HTRA4: variants seen among roughly 807,000 people sequenced by gnomAD.
The protein encoded by HTRA4 is HtrA serine peptidase 4.
HTRA4 carries 46 observed loss-of-function variants against 49.1 expected under a neutral mutation model. The observed-to-expected ratio is 0.94, with a 90% confidence interval of 0.74 to 1.20. HTRA4 has a LOEUF of 1.20. HTRA4 is among the 50% of genes most tolerant of loss of function. HTRA4 has a pLI of 0.00. For missense variants in HTRA4, 602 were observed against 636.9 expected, an observed-to-expected ratio of 0.95 and a Z score of 0.59; for synonymous variants, 261 against 264.0, an observed-to-expected ratio of 0.99 and a Z score of 0.11.
At chr8:38,987,338 A>G (rs1345515169) in intron 8 of HTRA4, among the ~76,000 whole-genome samples, 3 of 152,204 alleles carry the variant, frequency 2.0e-5, no homozygotes, top group Non-Finnish European at 2.9e-5. Flanking sequence ...TAAAGTCACA[A>G]CTTTGGAGAA....
At chr8:38,979,050 A>G (rs1835388008) in intron 4 of HTRA4, among the ~76,000 whole-genome samples, 165 bp from the exon 5 acceptor site, 1 of 151,062 alleles carries the variant, frequency 6.6e-6, no homozygotes, top group Admixed American at 6.6e-5. Flanking sequence ...CTTTACCTAC[A>G]CTGACTTTGG....
At chr8:38,978,640 G>A (rs1835382418) in intron 4 of HTRA4, among the ~76,000 whole-genome samples, 1 of 152,170 alleles carries the variant, frequency 6.6e-6, no homozygotes, top group South Asian at 2.1e-4. Flanking sequence ...CTCGTTCGCT[G>A]TGATCGCTGG....
chr8:38,975,721 G>C (rs1393270808), intron 2 of HTRA4, among the ~76,000 whole-genome samples: 2 of 152,144 alleles, frequency 1.3e-5, no homozygotes, highest in African/African-American at 4.8e-5. Context: ...TAGGCATTTT[G>C]GTTGTGATCT....
chr8:38,978,339 C>T (rs777939462), intron 4 of HTRA4, among the ~76,000 whole-genome samples, 192 bp downstream of exon 4: 2 of 152,148 alleles, frequency 1.3e-5, no homozygotes, highest in South Asian at 2.1e-4. Context: ...TTGTGAACTG[C>T]GCATGCAAGG....
chr8:38,974,430 C>A lies in HTRA4; in HGVS notation c.167C>A (p.Ala56Glu). Reference protein sequence around the residue: ...PTRCPALPTCALGTTPVFDLC... With the variant: ...PTRCPALPTCELGTTPVFDLC... The stretch of plus-strand genomic sequence containing the variant: ...CGCTGCCCCGCGCTGCCCACCTGCG[C>A]GCTGGGGACCACGCCGGTGTTCGAC... The change falls in exon 1 of 9, where the codon GCG becomes GAG. Residue 56 changes from alanine (A) to glutamate (E), a missense_variant. Transcript: ENST00000302495. The A allele has an allele frequency of 1.3e-6, 2 of 1,548,322 alleles. No individual in the cohort carries two copies. Among genetic ancestry groups the A allele is most frequent in the Non-Finnish European group, 8.7e-7 (1 of 1,150,268 alleles).
intron 5 of HTRA4, among the ~76,000 whole-genome samples, chr8:38,979,966 G>A (rs1445927914): frequency 6.6e-6 from 1 of 152,130 alleles, no homozygotes; most frequent in Non-Finnish European, 1.5e-5. Context: ...CAGGTTTTTA[G>A]TCTTGACCTC....
At chr8:38,982,680 C>T in intron 7 of HTRA4, 125 bp downstream of exon 7, 1 of 841,718 alleles carries the variant, frequency 1.2e-6, no homozygotes. Flanking sequence ...TAGGCCCTAT[C>T]TGTCTCAGGG....
At position 38,977,928 on chromosome 8, in the gene HTRA4, C is replaced by T. The variant is rs1170132717; in HGVS notation, c.772-25C>T. 5 of 1,608,968 alleles carry T rather than the reference C, an allele frequency of 3.1e-6. No individual in the cohort carries two copies. The Admixed American group carries it at 8.5e-5, about 27-fold the overall frequency. The stretch of plus-strand genomic sequence containing the variant: ...TTTGTTCTTTACCCTTTCTGTCCTC[C>T]CCATCCCTTTTTGGGCACGTGCAGG... On this transcript the variant is annotated intron_variant, in intron 3 of 8. Transcript: ENST00000302495.
chr8:38,981,067 T>TTTTTTGTTTTTTTTTGTTTTTTTTTG (rs1216373399), intron 5 of HTRA4, among the ~76,000 whole-genome samples: 1 of 41,670 alleles, frequency 2.4e-5, no homozygotes, highest in African/African-American at 1.7e-4. Flanking sequence ...GCTTAAGTTT[T>TTTTTTGTTTTTTTTTGTTTTTTTTTG]TTTTTTTTTT....
chr8:38,987,194 T>C (rs976416011), intron 8 of HTRA4, among the ~76,000 whole-genome samples: 2 of 152,198 alleles, frequency 1.3e-5, no homozygotes, highest in Non-Finnish European at 2.9e-5. Flanking sequence ...CCTGGAGTCA[T>C]TTGCTGTTCC....
chr8:38,979,353 T>G, intron 5 of HTRA4, 106 bp downstream of exon 5: 2 of 1,001,026 alleles, frequency 2.0e-6, no homozygotes, highest in Admixed American at 1.7e-5. Context: ...CCAGCACATT[T>G]GGGATGACTG....
intron 3 of HTRA4, among the ~76,000 whole-genome samples, chr8:38,977,458 G>T (rs1835367230): frequency 6.6e-6 from 1 of 152,122 alleles, no homozygotes; most frequent in Admixed American, 6.5e-5. Context: ...CTTTTTAGAA[G>T]TTCAGAGTCT....
chr8:38,974,397 A>C lies in HTRA4; in HGVS notation c.134A>C (p.Gln45Pro). 1 of 1,565,476 alleles carries C rather than the reference A, an allele frequency of 6.4e-7. No homozygotes were observed. The highest frequency in any genetic ancestry group is 8.6e-7 in the Non-Finnish European group (1 of 1,157,532). The change falls in exon 1 of 9, where the codon CAG (glutamine) becomes CCG (proline). Residue 45 changes from glutamine to proline, a missense_variant. By Grantham distance (76) the Gln-to-Pro change is moderately conservative. Transcript: ENST00000302495. ...HTQPSCPAVC[Q>P]PTRCPALPTC... Reference sequence around the variant, plus strand: ...CAGCCCTCCTGCCCCGCGGTCTGCCAGCCCACGCGCTGCCCCGCGCTGCCC... The same window carrying C: ...CAGCCCTCCTGCCCCGCGGTCTGCCCGCCCACGCGCTGCCCCGCGCTGCCC...
chr8:38,981,320 C>T (rs1197115299), intron 5 of HTRA4, among the ~76,000 whole-genome samples: 4 of 151,766 alleles, frequency 2.6e-5, no homozygotes, highest in Admixed American at 2.6e-4. Context: ...ACCTCGTGAT[C>T]CGCCCGCCTC....
At chr8:38,987,906 A>G in intron 8 of HTRA4, 30 bp from the exon 9 acceptor site, 1 of 1,526,026 alleles carries the variant, frequency 6.6e-7, no homozygotes, top group East Asian at 2.4e-5. Context: ...TTATAGTTTC[A>G]TGATCCTCTT....
intron 5 of HTRA4, 98 bp from the exon 6 acceptor site, chr8:38,981,555 C>T: frequency 2.5e-6 from 2 of 794,442 alleles, no homozygotes; most frequent in Non-Finnish European, 4.3e-6. Context: ...GTTTTCTGAC[C>T]CTAAGTAACT....
At chr8:38,976,453 T>G (rs1835352226) in intron 2 of HTRA4, 82 bp from the exon 3 acceptor site, 7 of 1,243,112 alleles carry the variant, frequency 5.6e-6, no homozygotes, top group Non-Finnish European at 8.2e-6. Flanking sequence ...TTAATAAGAG[T>G]GAGGTTCCCA....
rs201171544 is a variant in HTRA4, at chr8:38,982,956, T to G, written c.1176T>G (p.Leu392=). ...GLQMLSLTVP[L]SEELKMHYPD... ...CTAATCTTCTCACTTCTCTTAGCCT[T>G]AGTGAAGAATTGAAAATGCATTATC... Residue 392 remains leucine (L), a synonymous_variant, in exon 8 of 9, where the codon CTT becomes CTG. Transcript: ENST00000302495. 6.2e-7 allele frequency: 1 copy of G among 1,605,800 alleles called. No homozygotes were observed. Among genetic ancestry groups the G allele is most frequent in the East Asian group, 2.2e-5 (1 of 44,812 alleles).
chr8:38,981,900 T>A (rs551324633), intron 6 of HTRA4, 133 bp downstream of exon 6: 2 of 646,444 alleles, frequency 3.1e-6, no homozygotes, highest in Non-Finnish European at 5.4e-6. Context: ...CAGGTTGGAG[T>A]GCAGTGGCGT....
Sources: allele counts gnomAD v4.1 joint callset (sites outside exome capture counted in the v4.1 genomes callset), GRCh38; gene constraint gnomAD v4.1.1; transcripts MANE v1.5; gene names NCBI Gene and HGNC (gene_info 2026-07-23, HGNC 2026-07-21).